CRPPA: variants seen among roughly 807,000 people sequenced by gnomAD.
CRPPA encodes the protein D-ribitol-5-phosphate cytidylyltransferase.
CRPPA carries 43 observed loss-of-function variants against 52.0 expected under a neutral mutation model. The observed-to-expected ratio is 0.83, with a 90% CI of 0.65 to 1.07. CRPPA has a LOEUF of 1.07. Ranked by LOEUF, CRPPA falls within the 50% of genes least tolerant of loss-of-function variation. The pLI, the probability that CRPPA is intolerant of heterozygous loss-of-function variation, is 0.00. For missense variants in CRPPA, 629 were observed against 551.7 expected (o/e 1.14, Z -1.40); for synonymous variants, 250 against 203.5 (o/e 1.23, Z -1.94).
At chr7:16,155,977 G>A (rs979096033) in intron 9 of CRPPA, among the ~76,000 whole-genome samples, 2 of 152,026 alleles carry the variant, frequency 1.3e-5, no homozygotes, top group Admixed American at 1.3e-4. Flanking sequence ...TCAACGGGAG[G>A]GGTCAGCATA....
intron 3 of CRPPA, among the ~76,000 whole-genome samples, chr7:16,370,846 G>A (rs532888761): frequency 6.6e-6 from 1 of 152,146 alleles, no homozygotes; most frequent in Non-Finnish European, 1.5e-5. Flanking sequence ...AATGCAGTGT[G>A]AGTGCACCTA....
chr7:16,271,710 A>G (rs1272819290), intron 6 of CRPPA, among the ~76,000 whole-genome samples: 1 of 152,010 alleles, frequency 6.6e-6, no homozygotes, highest in Non-Finnish European at 1.5e-5. Flanking sequence ...ACTGCCTTCC[A>G]CTCCCAATCT....
chr7:16,159,061 CT>C (rs1384907313), intron 9 of CRPPA, among the ~76,000 whole-genome samples: 1 of 152,192 alleles, frequency 6.6e-6, no homozygotes, highest in Non-Finnish European at 1.5e-5. Flanking sequence ...GCCAAGGCTT[CT>C]GTTCTTTTCA....
chr7:16,096,186 T>A (rs2128362359), intron 9 of CRPPA, among the ~76,000 whole-genome samples: 1 of 152,170 alleles, frequency 6.6e-6, no homozygotes, highest in South Asian at 2.1e-4. Flanking sequence ...TTAGAGGACA[T>A]TAAAATAATC....
chr7:16,389,084 A>G (rs1275734275), intron 2 of CRPPA, among the ~76,000 whole-genome samples: 2 of 152,350 alleles, frequency 1.3e-5, no homozygotes, highest in East Asian at 3.9e-4. Flanking sequence ...AAGTCTGAAT[A>G]GACCTATAAA....
chr7:16,281,746 A>T (rs1403362877), intron 5 of CRPPA, among the ~76,000 whole-genome samples: 2 of 152,198 alleles, frequency 1.3e-5, no homozygotes, highest in African/African-American at 2.4e-5. Context: ...AGCTTTTAAT[A>T]AAAATTCAGT....
intron 9 of CRPPA, among the ~76,000 whole-genome samples, chr7:16,166,829 C>T (rs1356910258): frequency 6.6e-6 from 1 of 152,120 alleles, no homozygotes; most frequent in African/African-American, 2.4e-5. Context: ...CCCCTTCACC[C>T]ATGCCAATGC....
chr7:16,223,653 GA>G (rs1363533623), intron 8 of CRPPA, among the ~76,000 whole-genome samples: 1 of 152,036 alleles, frequency 6.6e-6, no homozygotes, highest in Non-Finnish European at 1.5e-5. Context: ...GGTGTTCTAG[GA>G]AAAAAATTCA....
chr7:16,367,916 G>T (rs1786646885), intron 3 of CRPPA, among the ~76,000 whole-genome samples: 1 of 151,968 alleles, frequency 6.6e-6, no homozygotes, highest in South Asian at 2.1e-4. Flanking sequence ...AAAGCAAAAG[G>T]TACATAATTA....
chr7:16,335,937 C>G (rs909942738), intron 3 of CRPPA, among the ~76,000 whole-genome samples: 1 of 152,170 alleles, frequency 6.6e-6, no homozygotes, highest in African/African-American at 2.4e-5. Flanking sequence ...AGAAACCCCT[C>G]AGGCCAGGAT....
intron 3 of CRPPA, among the ~76,000 whole-genome samples, chr7:16,363,176 G>A (rs1786502238): frequency 6.6e-6 from 1 of 152,188 alleles, no homozygotes. Context: ...AAGTCTTAAT[G>A]AGGAGCTCTA....
intron 9 of CRPPA, among the ~76,000 whole-genome samples, chr7:16,212,534 C>T (rs990180506): frequency 2.0e-5 from 3 of 152,038 alleles, no homozygotes; most frequent in African/African-American, 4.8e-5. Flanking sequence ...ATATACACAC[C>T]GTAATGAATA....
intron 9 of CRPPA, among the ~76,000 whole-genome samples, chr7:16,124,074 T>C (rs1782528088): frequency 2.0e-5 from 3 of 151,620 alleles, no homozygotes; most frequent in African/African-American, 4.8e-5. Context: ...AACCAGTAGT[T>C]GGATTGCTGG....
At chr7:16,156,115 CAAAAA>C (rs35258024) in intron 9 of CRPPA, among the ~76,000 whole-genome samples, 6 of 111,992 alleles carry the variant, frequency 5.4e-5, no homozygotes, top group Admixed American at 1.9e-4. Context: ...TATTCAAAAG[CAAAAA>C]AAAAAAAAAA....
chr7:16,369,843 TG>T, intron 3 of CRPPA, among the ~76,000 whole-genome samples: 1 of 152,160 alleles, frequency 6.6e-6, no homozygotes, highest in East Asian at 1.9e-4. Context: ...TTGAAAGAAG[TG>T]GCAGGCTGCA....
At chr7:16,413,323 T>C (rs1010493471) in intron 1 of CRPPA, among the ~76,000 whole-genome samples, 1 of 152,192 alleles carries the variant, frequency 6.6e-6, no homozygotes, top group African/African-American at 2.4e-5. Flanking sequence ...TTTGAAGGTG[T>C]TCCATGCGGT....
chr7:16,385,628 C>T (rs1003856389), intron 2 of CRPPA, among the ~76,000 whole-genome samples: 1 of 152,026 alleles, frequency 6.6e-6, no homozygotes, highest in Non-Finnish European at 1.5e-5. Flanking sequence ...AAATGTTCAG[C>T]CTGAAGGACA....
intron 8 of CRPPA, among the ~76,000 whole-genome samples, chr7:16,255,132 T>A (rs1783600937): frequency 6.6e-6 from 1 of 152,094 alleles, no homozygotes; most frequent in Non-Finnish European, 1.5e-5. Context: ...TCACAAGCAT[T>A]CCTATATACC....
In CRPPA at chr7:16,245,217, A is replaced by G. The variant is rs143207720; in HGVS notation, c.1119+13173T>C. 2.9e-3 allele frequency among the ~76,000 whole-genome samples: 449 copies of G among 152,282 alleles called. 3 individuals are homozygous for G. The highest frequency in any genetic ancestry group is 0.01 in the African/African-American group (429 of 41,554). On this transcript the variant is annotated intron_variant, in intron 8 of 9. Coordinates refer to ENST00000407010, the MANE Select transcript of CRPPA (RefSeq NM_001101426.4). ...TGCATATGAATTTGCACATGCAAACACTCTATGTATGTATGTGTATCAGTA... is the reference window on the plus strand; with the variant it reads ...TGCATATGAATTTGCACATGCAAACGCTCTATGTATGTATGTGTATCAGTA...
Sources: gnomAD v4.1 joint callset for allele counts (sites outside exome capture counted in the v4.1 genomes callset) on GRCh38, gnomAD v4.1.1 for gene constraint, MANE v1.5 for transcripts, NCBI Gene and HGNC (gene_info 2026-07-23, HGNC 2026-07-21) for gene names.